The following ZBTB17 variants were observed in gnomAD, a reference collection of about 807,000 sequenced individuals.
ZBTB17 encodes the protein zinc finger and BTB domain containing 17, also known as zinc finger and BTB domain-containing protein 17.
In ZBTB17, 24 loss-of-function variants were observed where a neutral mutation model predicts 85.1. The observed-to-expected ratio is 0.28, with a 90% CI of 0.20 to 0.40. ZBTB17 has a LOEUF of 0.40. Ranked by LOEUF, ZBTB17 falls within the 10% of genes least tolerant of loss-of-function variation. The pLI is 1.00. For synonymous variants in ZBTB17, 464 were observed against 460.2 expected (o/e 1.01, Z -0.11); for missense variants, 743 against 1,105.1 (o/e 0.67, Z 4.65).
intron 1 of ZBTB17, among the ~76,000 whole-genome samples, chr1:15,974,629 C>T (rs184080421): frequency 6.6e-6 from 1 of 151,656 alleles, no homozygotes. Context: ...GGCTGGAGTG[C>T]AGTGGCGCCG....
At position 15,944,805 on chromosome 1, in the gene ZBTB17, A is replaced by C; in HGVS notation, c.962T>G (p.Phe321Cys). ...CGKEFTHTGNFKRHIRIHTGE... is the reference protein window; with the variant it reads ...CGKEFTHTGNCKRHIRIHTGE... ...CGTGTGGATGCGGATGTGCCGCTTG[A>C]AGTTCCCCGTGTGCGTGAACTCCTT... Residue 321 changes from phenylalanine (F) to cysteine (C), a missense_variant, in exon 8 of 16, where the codon TTC (phenylalanine) becomes TGC (cysteine). Coordinates refer to ENST00000375743, the MANE Select transcript of ZBTB17 (RefSeq NM_003443.3). 6.2e-7 allele frequency: 1 copy of C among 1,610,188 alleles called. No homozygotes were observed. The highest frequency in any genetic ancestry group is 8.5e-7 in the Non-Finnish European group (1 of 1,178,574).
chr1:15,959,887 AC>A (rs746963543), intron 2 of ZBTB17, among the ~76,000 whole-genome samples: 7 of 152,206 alleles, frequency 4.6e-5, no homozygotes, highest in Non-Finnish European at 7.4e-5. Flanking sequence ...TTTCTACAAG[AC>A]CTAGTGACTG....
rs780827307 is a variant in ZBTB17, at chr1:15,944,968, T to C, written c.896A>G (p.Lys299Arg). 1.9e-6 allele frequency: 3 copies of C among 1,583,174 alleles called. No individual in the cohort carries two copies. Among genetic ancestry groups the C allele is most frequent in the Admixed American group, 1.8e-5 (1 of 56,254 alleles). ...CTTGTGGATGACGGAGCCGTAGGCC[T>C]TGGACTCCGTGCGGTCGCCGTAGGT... ...SGTYGDRTES[K>R]AYGSVIHKCE... is the part of the protein sequence containing the mutation. Residue 299 changes from lysine to arginine, a missense_variant, in exon 7 of 16, where the codon AAG becomes AGG. Physicochemically the swap from Lys to Arg is conservative, Grantham distance 26. Around this residue, in one of 4 missense-constraint regions of ZBTB17, gnomAD observed 279 missense variants for 269.9 expected, o/e 1.03. Coordinates refer to ENST00000375743, the MANE Select transcript of ZBTB17 (RefSeq NM_003443.3).
Position 15,971,493 on chromosome 1 carries a change from A to ATATATATATACACACACAC in ZBTB17, c.-3+1527_-3+1545dup, listed in dbSNP as rs1187365786. Among the ~76,000 whole-genome samples, 126 of 73,836 alleles carry ATATATATATACACACACAC rather than the reference A, an allele frequency of 1.7e-3. 10 individuals carry two copies. Among genetic ancestry groups the ATATATATATACACACACAC allele is most frequent in the African/African-American group, 6.4e-3 (122 of 19,162 alleles). 48.4% of individuals were successfully genotyped at this position (73,836 alleles called of 152,430 possible). A position where few individuals can be genotyped will look rare whatever the true frequency, so the allele number is the denominator to read the frequency against. On this transcript the variant is annotated intron_variant, in intron 2 of 15. Transcript: ENST00000375743. ...CACACACTATATATATACACACACT[A>ATATATATATACACACACAC]TATATATATACACACACACTATATA...
chr1:15,963,917 C>G (rs142612264), intron 2 of ZBTB17, among the ~76,000 whole-genome samples: 1 of 150,954 alleles, frequency 6.6e-6, no homozygotes, highest in East Asian at 2.0e-4. Flanking sequence ...ACCAGCCTGT[C>G]TTTACCAAAA....
At chr1:15,945,924 G>A (rs1303720651) in intron 5 of ZBTB17, 84 bp from the exon 6 acceptor site, 1 of 1,564,000 alleles carries the variant, frequency 6.4e-7, no homozygotes, top group African/African-American at 1.3e-5. Flanking sequence ...CGCTGGTGGT[G>A]GCTGCGTGTG....
chr1:15,941,899 G>A lies in ZBTB17; in HGVS notation c.*70C>T. ...AAATAATCCAATTTATTCTCTCTAG[G>A]GAACAGGCCACCCTTCCCGGTTCCA... On this transcript the variant is annotated 3_prime_UTR_variant, in exon 16 of 16. Transcript: ENST00000375743. 2.0e-6 allele frequency: 3 copies of A among 1,529,266 alleles called. No homozygotes were observed. The highest frequency in any genetic ancestry group is 2.6e-6 in the Non-Finnish European group (3 of 1,140,610). 94.7% of individuals were successfully genotyped at this position (1,529,266 alleles called of 1,614,324 possible).
rs536523915 is a variant in ZBTB17 at position 15,973,054 on chromosome 1, A to G, written c.-18T>C. On this transcript the variant is annotated 5_prime_UTR_variant, in exon 2 of 16. Transcript: ENST00000375743. This position sits in a 1 kb window ranked among gnomAD's most constrained non-coding sequence, Gnocchi z 4.1. ...ACAGACATACCTCAGATTTCCAGAC[A>G]GCCCAGGCTACTCTTTTCTGACAGT... The G allele has an allele frequency of 6.6e-6, 1 of 152,378 alleles. No homozygotes were observed. Among genetic ancestry groups the G allele is most frequent in the Non-Finnish European group, 1.5e-5 (1 of 68,044 alleles). 9.4% of individuals were successfully genotyped at this position (152,378 alleles called of 1,614,324 possible). A position where few individuals can be genotyped will look rare whatever the true frequency, so the allele number is the denominator to read the frequency against.
At chr1:15,975,566 C>A (rs151023991) in intron 1 of ZBTB17, among the ~76,000 whole-genome samples, 2 of 152,226 alleles carry the variant, frequency 1.3e-5, no homozygotes, top group Admixed American at 6.5e-5. Context: ...GCCCGGGCAG[C>A]CCCGCTCCCT....
In ZBTB17 at chr1:15,943,902, C is replaced by G. The variant is rs1177576538; in HGVS notation, c.1372-7G>C. On this transcript the variant is annotated splice_region_variant and splice_polypyrimidine_tract_variant and intron_variant, in intron 9 of 15. Coordinates refer to ENST00000375743, the MANE Select transcript of ZBTB17 (RefSeq NM_003443.3). The stretch of plus-strand genomic sequence containing the variant: ...GGGCCTTCAGGTTCCCTACCTGTGC[C>G]CAGGGAGGGGTCAGGGGGGCCACCC... The G allele has an allele frequency of 7.5e-6, 12 of 1,589,500 alleles. No individual in the cohort carries two copies. Among genetic ancestry groups the G allele is most frequent in the Non-Finnish European group, 7.7e-6 (9 of 1,168,376 alleles).
At chr1:15,943,560 G>GAC in intron 11 of ZBTB17, 39 bp downstream of exon 11, 2 of 1,612,070 alleles carry the variant, frequency 1.2e-6, no homozygotes, top group Non-Finnish European at 1.7e-6. Context: ...GCTCCTCTCC[G>GAC]TGCCCTCCCA....
intron 2 of ZBTB17, among the ~76,000 whole-genome samples, chr1:15,961,886 A>C (rs914636479): frequency 1.3e-5 from 2 of 152,172 alleles, no homozygotes; most frequent in Non-Finnish European, 1.5e-5. Context: ...GTGGAGAAGT[A>C]TATTTTACGA....
Position 15,944,556 on chromosome 1 carries a change from C to T in ZBTB17, c.1115G>A (p.Arg372His). 1 of 1,597,218 alleles carries T rather than the reference C, an allele frequency of 6.3e-7. No individual in the cohort carries two copies. The highest frequency in any genetic ancestry group is 1.3e-5 in the African/African-American group (1 of 74,994). Residue 372 changes from arginine (R) to histidine (H), a missense_variant, in exon 9 of 16, where the codon CGC (arginine) becomes CAC (histidine). This residue lies in a region of ZBTB17 where 321 missense variants were observed against 615.7 expected (regional missense o/e 0.52). Transcript: ENST00000375743. ...YGCEECGKSY[R>H]LISLLNLHKK... ...GTGCAGGTTCAGCAGGCTGATGAGG[C>T]GGTAGCTCTTCCCGCACTCCTCGCA...
rs749803466 is a variant in ZBTB17 at position 15,943,827 on chromosome 1, C to T, written c.1440G>A (p.Gly480=). 6.2e-7 allele frequency: 1 copy of T among 1,612,110 alleles called. No homozygotes were observed. The highest frequency in any genetic ancestry group is 8.5e-7 in the Non-Finnish European group (1 of 1,179,460). The change falls in exon 10 of 16, where the codon GGG becomes GGA. Residue 480 remains glycine (G), a synonymous_variant. Transcript: ENST00000375743. The part of the protein sequence containing the change: ...ADGPLKCREC[G]KQFTTSGNLK... ...CCCTACCTGAGGTGGTGAACTGCTT[C>T]CCACACTCTCGGCACTTGAGGGGCC...
chr1:15,974,190 C>A (rs1422890452), intron 1 of ZBTB17, among the ~76,000 whole-genome samples: 54 of 112,664 alleles, frequency 4.8e-4, no homozygotes, highest in African/African-American at 6.6e-4. Flanking sequence ...GACGTAGTCT[C>A]AAAAAAAAAA....
At chr1:15,945,869 T>C (rs755349033) in intron 5 of ZBTB17, 29 bp from the exon 6 acceptor site, 2 of 1,578,762 alleles carry the variant, frequency 1.3e-6, no homozygotes, top group East Asian at 2.2e-5. Context: ...GGAGGCTGGA[T>C]TGCTACCCTC....
chr1:15,948,468 C>T lies in ZBTB17; in HGVS notation c.28G>A (p.Val10Ile). The T allele has an allele frequency of 6.2e-7, 1 of 1,613,970 alleles. No homozygotes were observed. Reference sequence around the variant, plus strand: ...CGCTGCTGGTTCAGCTGTTCCAAGACATGCTGGCTGTGCTGGGGAAAGTCC... The same window carrying T: ...CGCTGCTGGTTCAGCTGTTCCAAGATATGCTGGCTGTGCTGGGGAAAGTCC... MDFPQHSQHVLEQLNQQRQL... is the reference protein window; with the variant it reads MDFPQHSQHILEQLNQQRQL... Residue 10 changes from valine (V) to isoleucine (I), a missense_variant, in exon 3 of 16, where the codon GTC becomes ATC. Physicochemically the swap from Val to Ile is conservative, Grantham distance 29. This residue lies in a region of ZBTB17 where 74 missense variants were observed against 142.6 expected (regional missense o/e 0.52). Transcript: ENST00000375743.
chr1:15,961,829 G>A (rs2072270292), intron 2 of ZBTB17, among the ~76,000 whole-genome samples: 1 of 152,210 alleles, frequency 6.6e-6, no homozygotes, highest in Non-Finnish European at 1.5e-5. Context: ...GGAGACGGAG[G>A]CACAGCTAGT....
rs1557771672 is a variant in ZBTB17, at chr1:15,943,958, G to A, written c.1372-63C>T. The A allele has an allele frequency of 2.1e-6, 3 of 1,447,992 alleles. No homozygotes were observed. The African/African-American group carries it at 4.2e-5, about 20-fold the overall frequency. 89.7% of individuals were successfully genotyped at this position (1,447,992 alleles called of 1,614,324 possible). A position where few individuals can be genotyped will look rare whatever the true frequency, so the allele number is the denominator to read the frequency against. On this transcript the variant is annotated intron_variant, in intron 9 of 15. Transcript: ENST00000375743. The stretch of plus-strand genomic sequence containing the variant: ...AGCTCGGCCCCGGGCCCCCTCACCT[G>A]CCCCTCCCACAAAGGAACAATTGAC...
Sources: allele counts gnomAD v4.1 joint callset (sites outside exome capture counted in the v4.1 genomes callset), GRCh38; gene constraint gnomAD v4.1.1; regional missense constraint gnomAD v4.1.1; non-coding constraint Gnocchi (gnomAD v3.1); transcripts MANE v1.5; gene names NCBI Gene and HGNC (gene_info 2026-07-23, HGNC 2026-07-21).